The following PDE1C variants were observed in gnomAD, a reference collection of about 807,000 sequenced individuals.
PDE1C encodes the protein phosphodiesterase 1C.
PDE1C carries 62 observed loss-of-function variants against 93.1 expected under a neutral mutation model. That is an observed-to-expected ratio of 0.67 (90% CI 0.54 to 0.82). The LOEUF (loss-of-function observed/expected upper bound fraction) is 0.82, where lower values mean the gene tolerates loss of function less well. Among genes scored for constraint, PDE1C ranks in the 40% least tolerant of loss-of-function variants. The probability of loss-of-function intolerance (pLI) is 0.00; values close to 1 mark genes in which losing one functional copy is unlikely to be tolerated. For synonymous variants in PDE1C, 325 were observed against 310.1 expected, an observed-to-expected ratio of 1.05 and a Z score of -0.50; for missense variants, 742 against 884.6, an observed-to-expected ratio of 0.84 and a Z score of 2.04.
chr7:32,368,978 C>G (rs73093911), intron 1 of PDE1C, among the ~76,000 whole-genome samples: 6,994 of 152,104 alleles, frequency 0.046, 270 homozygotes, highest in South Asian at 0.21. Context: ...ATATGTCATC[C>G]TATACAAAAA....
intron 2 of PDE1C, among the ~76,000 whole-genome samples, chr7:31,902,107 C>T (rs181223274): frequency 6.6e-6 from 1 of 151,484 alleles, no homozygotes; most frequent in Admixed American, 6.6e-5. Context: ...GCAGAAAAGA[C>T]CAATAGAGCA....
intron 3 of PDE1C, among the ~76,000 whole-genome samples, chr7:32,095,748 A>T (rs2128747376): frequency 6.6e-6 from 1 of 152,318 alleles, no homozygotes; most frequent in African/African-American, 2.4e-5. Context: ...TGAACTTGAG[A>T]AACAGGGTGC....
At chr7:31,973,327 T>TA (rs775584216) in intron 2 of PDE1C, among the ~76,000 whole-genome samples, 1 of 151,958 alleles carries the variant, frequency 6.6e-6, no homozygotes. Flanking sequence ...CCATATTTGC[T>TA]AAAAAACAAA....
At chr7:32,218,272 C>T (rs1274290944) in intron 1 of PDE1C, among the ~76,000 whole-genome samples, 3 of 152,218 alleles carry the variant, frequency 2.0e-5, no homozygotes, top group South Asian at 2.1e-4. Context: ...TTATGCCTTC[C>T]GGGCCAATTT....
chr7:32,004,245 A>C (rs552585593), intron 2 of PDE1C, among the ~76,000 whole-genome samples: 11 of 137,306 alleles, frequency 8.0e-5, no homozygotes, highest in African/African-American at 2.5e-4. Flanking sequence ...AATGGCCCCC[A>C]AAAAACCTGA....
At chr7:31,758,319 AAAAAAAAT>A (rs1794606727) in intron 17 of PDE1C, among the ~76,000 whole-genome samples, 1 of 151,894 alleles carries the variant, frequency 6.6e-6, no homozygotes, top group Non-Finnish European at 1.5e-5. Context: ...AAAAAAATTA[AAAAAAAAT>A]TATGCTACTT....
rs544732044 is a variant in PDE1C, at chr7:32,016,294, C to T, written c.128+35260G>A. Among the ~76,000 whole-genome samples the T allele has an allele frequency of 4.6e-5, 7 of 152,300 alleles. No individual in the cohort carries two copies. In the South Asian group the frequency reaches 1.5e-3, roughly 32 times the overall value. On this transcript the variant is annotated intron_variant, in intron 2 of 17. Transcript: ENST00000396191. ...TAGAGAAGGAAAGAATTCAAAGGCTCACCCTTGAATTTTTTCCTTGGCAAA... is the reference window on the plus strand; with the variant it reads ...TAGAGAAGGAAAGAATTCAAAGGCTTACCCTTGAATTTTTTCCTTGGCAAA...
chr7:31,793,683 T>A (rs527313717), intron 16 of PDE1C, among the ~76,000 whole-genome samples: 1 of 151,662 alleles, frequency 6.6e-6, no homozygotes, highest in Non-Finnish European at 1.5e-5. Flanking sequence ...CTCGTTTTTT[T>A]TTTTTTTAAA....
At chr7:32,205,639 G>A (rs1243993178) in intron 2 of PDE1C, among the ~76,000 whole-genome samples, 1 of 152,270 alleles carries the variant, frequency 6.6e-6, no homozygotes, top group East Asian at 1.9e-4. Flanking sequence ...CTTGTGCCCT[G>A]CAGAAGCTTT....
chr7:31,876,317 C>G (rs1009126657), intron 5 of PDE1C, among the ~76,000 whole-genome samples: 7 of 152,146 alleles, frequency 4.6e-5, no homozygotes, highest in Admixed American at 2.0e-4. Context: ...AGTAGGTCTT[C>G]CTTATCTGAA....
chr7:32,205,426 C>T (rs985876682), intron 2 of PDE1C, among the ~76,000 whole-genome samples: 6 of 152,164 alleles, frequency 3.9e-5, no homozygotes, highest in Non-Finnish European at 8.8e-5. Flanking sequence ...AATCAGTGCT[C>T]TGTGTCTGGC....
chr7:32,192,575 C>T (rs1804308552), intron 2 of PDE1C, among the ~76,000 whole-genome samples: 1 of 152,102 alleles, frequency 6.6e-6, no homozygotes, highest in Admixed American at 6.5e-5. Flanking sequence ...CAATACCACT[C>T]ATCTTGATCA....
intron 2 of PDE1C, among the ~76,000 whole-genome samples, chr7:32,024,098 T>C (rs527419158): frequency 7.7e-4 from 117 of 152,222 alleles, no homozygotes; most frequent in Non-Finnish European, 1.3e-3. Flanking sequence ...GTAGTCAATT[T>C]ATATCAGGAT....
At chr7:32,298,065 C>CTCTCT (rs1562660556) in intron 1 of PDE1C, among the ~76,000 whole-genome samples, 464 of 21,162 alleles carry the variant, frequency 0.022, 203 homozygotes, top group Non-Finnish European at 0.024. Context: ...TCTCTCTCTC[C>CTCTCT]CCTCTCTCTC....
chr7:32,017,371 GTAAGAGT>G (rs1329694834), intron 2 of PDE1C, among the ~76,000 whole-genome samples: 2 of 152,122 alleles, frequency 1.3e-5, no homozygotes. Flanking sequence ...AGATCTAAAT[GTAAGAGT>G]TAAAACTATA....
intron 3 of PDE1C, among the ~76,000 whole-genome samples, chr7:32,130,354 A>C (rs1799847965): frequency 6.6e-6 from 1 of 152,138 alleles, no homozygotes; most frequent in Non-Finnish European, 1.5e-5. Context: ...ACTACAAATT[A>C]GGTCAAGACA....
chr7:32,170,706 A>G (rs929359677), intron 2 of PDE1C, among the ~76,000 whole-genome samples: 1 of 152,160 alleles, frequency 6.6e-6, no homozygotes, highest in Non-Finnish European at 1.5e-5. Context: ...AGTTCTGGAC[A>G]ACCCAATAGT....
the PDE1C span, among the ~76,000 whole-genome samples, chr7:31,622,398 A>T: frequency 1.6e-4 from 24 of 152,094 alleles, no homozygotes; most frequent in Non-Finnish European, 3.4e-4. Flanking sequence ...AGAAATCATA[A>T]CAAACTATCT....
At chr7:32,066,765 G>C (rs1160522078) in intron 1 of PDE1C, among the ~76,000 whole-genome samples, 3 of 152,116 alleles carry the variant, frequency 2.0e-5, no homozygotes, top group Non-Finnish European at 4.4e-5. Context: ...AAGTAATTCA[G>C]AGGGACTCAA....
Sources: gnomAD v4.1 joint callset for allele counts (sites outside exome capture counted in the v4.1 genomes callset) on GRCh38, gnomAD v4.1.1 for gene constraint, MANE v1.5 for transcripts, NCBI Gene and HGNC (gene_info 2026-07-23, HGNC 2026-07-21) for gene names.